HMCN1: variants seen among roughly 807,000 people sequenced by gnomAD.
HMCN1 encodes the protein hemicentin 1.
A neutral mutation model predicts 625.9 loss-of-function variants in HMCN1; 321 were observed. That is an observed-to-expected ratio of 0.51 (90% CI 0.47 to 0.56). The LOEUF (loss-of-function observed/expected upper bound fraction) is 0.56. Among genes scored for constraint, HMCN1 ranks in the 20% least tolerant of loss-of-function variants. HMCN1 has a pLI of 0.00. For missense variants in HMCN1, 6,588 were observed against 6,887.3 expected (o/e 0.96, Z 1.54); for synonymous variants, 2,425 against 2,417.6 (o/e 1.00, Z -0.09).
At chr1:185,844,462 A>G (rs1273554362) in intron 1 of HMCN1, among the ~76,000 whole-genome samples, 3 of 152,138 alleles carry the variant, frequency 2.0e-5, no homozygotes. Flanking sequence ...TTAAAATACT[A>G]CAGTCTGTTT....
chr1:185,879,390 T>C (rs994997758), intron 4 of HMCN1, among the ~76,000 whole-genome samples: 3 of 152,182 alleles, frequency 2.0e-5, no homozygotes, highest in Admixed American at 2.0e-4. Flanking sequence ...CAGGCTGGTT[T>C]CAAACTCTTG....
At chr1:186,182,408 G>C (rs948970694) in intron 105 of HMCN1, 121 bp downstream of exon 105, 24 of 1,160,028 alleles carry the variant, frequency 2.1e-5, no homozygotes, top group Non-Finnish European at 2.9e-5. Flanking sequence ...ATTCCCGTGG[G>C]TCAGAATTAT....
chr1:185,795,192 T>C (rs1658283914), intron 1 of HMCN1, among the ~76,000 whole-genome samples: 2 of 152,224 alleles, frequency 1.3e-5, no homozygotes, highest in Admixed American at 1.3e-4. Context: ...GTGAAATTTC[T>C]TTCCCATAGT....
chr1:186,023,490 G>A (rs1305415410), intron 36 of HMCN1, among the ~76,000 whole-genome samples: 1 of 151,950 alleles, frequency 6.6e-6, no homozygotes, highest in Non-Finnish European at 1.5e-5. Flanking sequence ...TCTTAATCTT[G>A]TCTGCGTTTT....
rs775343914 is a variant in HMCN1, at chr1:186,129,961, C to A, written c.12905-5C>A. 1.4e-5 allele frequency: 23 copies of A among 1,612,496 alleles called. No individual in the cohort carries two copies. Among genetic ancestry groups the A allele is most frequent in the Non-Finnish European group, 1.9e-5 (22 of 1,178,998 alleles). ...GGCACTTGTGTTGTTTCTTGTTTCC[C>A]TCAGCCCACTTTGACAGTGTGAATG... On this transcript the variant is annotated splice_region_variant and splice_polypyrimidine_tract_variant and intron_variant, in intron 83 of 106. Transcript: ENST00000271588.
At chr1:186,005,679 T>C (rs1043431329) in intron 29 of HMCN1, among the ~76,000 whole-genome samples, 2 of 152,246 alleles carry the variant, frequency 1.3e-5, no homozygotes, top group South Asian at 4.1e-4. Context: ...AAGAGAAGTC[T>C]GGAAAGCAGA....
chr1:185,948,626 A>C (rs1312389134), intron 11 of HMCN1, among the ~76,000 whole-genome samples: 1 of 151,782 alleles, frequency 6.6e-6, no homozygotes, highest in African/African-American at 2.4e-5. Flanking sequence ...GGGGCAGGGC[A>C]TATTCACTTC....
At chr1:185,933,923 T>G in intron 11 of HMCN1, 99 bp downstream of exon 11, 817 of 835,498 alleles carry the variant, frequency 9.8e-4, no homozygotes, top group Non-Finnish European at 1.5e-3. Flanking sequence ...TGAGAGTATC[T>G]ACCCAAATAA....
In HMCN1 at chr1:186,045,793, G is replaced by T; in HGVS notation, c.6410G>T (p.Trp2137Leu). The change falls in exon 41 of 107, where the codon TGG (tryptophan) becomes TTG (leucine). Residue 2137 changes from tryptophan to leucine, a missense_variant. Coordinates refer to ENST00000271588, the MANE Select transcript of HMCN1 (RefSeq NM_031935.3). ...GCTATTCCCCCACCTACTCTTACTT[G>T]GTTAAAAGACGGCCACCCCTTGCTG... ...SDAIPPPTLT[W>L]LKDGHPLLKK... 6.2e-7 allele frequency: 1 copy of T among 1,612,924 alleles called. No individual in the cohort carries two copies. The highest frequency in any genetic ancestry group is 8.5e-7 in the Non-Finnish European group (1 of 1,179,170).
intron 1 of HMCN1, among the ~76,000 whole-genome samples, chr1:185,793,570 G>A (rs937848968): frequency 5.9e-5 from 9 of 152,148 alleles, no homozygotes; most frequent in African/African-American, 2.2e-4. Flanking sequence ...TTAGGATGTG[G>A]ACATCTTTGG....
intron 1 of HMCN1, among the ~76,000 whole-genome samples, chr1:185,841,026 G>A (rs980952094): frequency 3.9e-5 from 6 of 152,138 alleles, no homozygotes; most frequent in African/African-American, 1.4e-4. Flanking sequence ...AAGGAAGTGA[G>A]AGGCTGGATA....
At chr1:186,052,497 C>G (rs146116276) in intron 42 of HMCN1, among the ~76,000 whole-genome samples, 156 of 152,140 alleles carry the variant, frequency 1.0e-3, no homozygotes, top group African/African-American at 3.5e-3. Flanking sequence ...GATGAAACCC[C>G]TTGCCTCTGT....
chr1:185,770,310 C>G (rs1397061572), intron 1 of HMCN1, among the ~76,000 whole-genome samples: 1 of 151,958 alleles, frequency 6.6e-6, no homozygotes, highest in Non-Finnish European at 1.5e-5. Context: ...CTATTCTTAG[C>G]AAAAAGTAAA....
rs1020378453 is a variant in HMCN1, at chr1:186,166,237, A to T, written c.15373A>T (p.Met5125Leu). ...CTGCTCCCATAGCTGCCACAATGCC[A>T]TGGGGACTTACTACTGCTCCTGCCC... ...NPCSHSCHNA[M>L]GTYYCSCPKG... is the part of the protein sequence containing the mutation. The change falls in exon 99 of 107, where the codon ATG (methionine) becomes TTG (leucine). Residue 5125 changes from methionine (M) to leucine (L), a missense_variant. Met to Leu is a conservative substitution (Grantham distance 15). Transcript: ENST00000271588. The T allele has an allele frequency of 6.2e-7, 1 of 1,614,034 alleles. No homozygotes were observed. Among genetic ancestry groups the T allele is most frequent in the Non-Finnish European group, 8.5e-7 (1 of 1,180,020 alleles).
chr1:186,075,854 G>A (rs775291678), intron 53 of HMCN1, among the ~76,000 whole-genome samples: 6 of 151,984 alleles, frequency 3.9e-5, no homozygotes, highest in Non-Finnish European at 8.8e-5. Flanking sequence ...GGAAATTTTA[G>A]GTTAAATGTA....
At chr1:185,842,277 A>G (rs528151851) in intron 1 of HMCN1, among the ~76,000 whole-genome samples, 5 of 152,084 alleles carry the variant, frequency 3.3e-5, no homozygotes, top group Non-Finnish European at 7.3e-5. Flanking sequence ...TTGAGAGGCA[A>G]TTTTCTAGCG....
intron 56 of HMCN1, among the ~76,000 whole-genome samples, chr1:186,082,003 C>G (rs963405379): frequency 5.9e-5 from 9 of 152,148 alleles, no homozygotes; most frequent in African/African-American, 2.2e-4. Flanking sequence ...CAACATAGGA[C>G]ATATCTCATG....
At chr1:185,872,800 T>A (rs1663700971) in intron 4 of HMCN1, among the ~76,000 whole-genome samples, 1 of 152,136 alleles carries the variant, frequency 6.6e-6, no homozygotes. Context: ...AGCAATAGAT[T>A]CTGTAATGTG....
chr1:186,043,585 A>G (rs925453476), intron 40 of HMCN1, among the ~76,000 whole-genome samples: 13 of 152,298 alleles, frequency 8.5e-5, no homozygotes, highest in African/African-American at 3.1e-4. Flanking sequence ...TGCAGTCATA[A>G]TGAACTCATG....
Sources: gnomAD v4.1 joint callset for allele counts (sites outside exome capture counted in the v4.1 genomes callset) on GRCh38, gnomAD v4.1.1 for gene constraint, MANE v1.5 for transcripts, NCBI Gene and HGNC (gene_info 2026-07-23, HGNC 2026-07-21) for gene names.